Variants in LYST observed in about 807,000 individuals in gnomAD.
LYST encodes the protein lysosomal-trafficking regulator.
A neutral mutation model predicts 413.6 loss-of-function variants in LYST; 192 were observed. The observed-to-expected ratio is 0.46, with a 90% CI of 0.41 to 0.52. LYST has a LOEUF of 0.52. LYST is among the 20% of genes least tolerant of loss of function. The pLI, the probability that LYST is intolerant of heterozygous loss-of-function variation, is 0.00. For missense variants in LYST, 3,815 were observed against 4,499.9 expected, an observed-to-expected ratio of 0.85 and a Z score of 4.35; for synonymous variants, 1,525 against 1,567.3, an observed-to-expected ratio of 0.97 and a Z score of 0.64.
intron 47 of LYST, among the ~76,000 whole-genome samples, chr1:235,688,936 G>C (rs13376446): frequency 0.024 from 3,659 of 151,042 alleles, 142 homozygotes; most frequent in African/African-American, 0.084. Context: ...AGTGAGCCGA[G>C]ATCGCACCAC....
At chr1:235,805,682 G>T in intron 6 of LYST, 61 bp downstream of exon 6, 1 of 852,794 alleles carries the variant, frequency 1.2e-6, no homozygotes, top group Non-Finnish European at 1.9e-6. Context: ...ATATATATAT[G>T]TGTGTGTGTA....
intron 50 of LYST, 42 bp downstream of exon 50, chr1:235,677,049 G>A: frequency 6.9e-7 from 1 of 1,441,994 alleles, no homozygotes; most frequent in South Asian, 1.1e-5. Context: ...TGCGCTGTTA[G>A]AGCACCAGCC....
chr1:235,786,329 C>T (rs1670408138), intron 14 of LYST, among the ~76,000 whole-genome samples: 1 of 152,104 alleles, frequency 6.6e-6, no homozygotes, highest in Non-Finnish European at 1.5e-5. Flanking sequence ...CAGAGAAATG[C>T]AAATCAAAAC....
At chr1:235,792,883 C>T (rs183923178) in intron 11 of LYST, among the ~76,000 whole-genome samples, 13 of 149,696 alleles carry the variant, frequency 8.7e-5, no homozygotes, top group Admixed American at 2.0e-4. Context: ...AGGCTGGTCT[C>T]GAACACCTGA....
At chr1:235,815,278 C>G (rs1205759456) in intron 3 of LYST, among the ~76,000 whole-genome samples, 1 of 152,092 alleles carries the variant, frequency 6.6e-6, no homozygotes, top group African/African-American at 2.4e-5. Context: ...CTCATGAAGC[C>G]TACTTCCTAG....
At chr1:235,724,817 C>T (rs142237669) in intron 38 of LYST, among the ~76,000 whole-genome samples, 2 of 152,222 alleles carry the variant, frequency 1.3e-5, no homozygotes, top group Admixed American at 1.3e-4. Flanking sequence ...AGCAAATATC[C>T]TTTTAAATAC....
chr1:235,781,744 A>G (rs1169307744), intron 15 of LYST, among the ~76,000 whole-genome samples, 183 bp downstream of exon 15: 1 of 152,222 alleles, frequency 6.6e-6, no homozygotes, highest in Admixed American at 6.5e-5. Context: ...TATATCTTAG[A>G]ATCTTGGAAA....
At chr1:235,680,470 C>G (rs932279883) in intron 48 of LYST, among the ~76,000 whole-genome samples, 11 of 152,056 alleles carry the variant, frequency 7.2e-5, no homozygotes, top group Non-Finnish European at 1.5e-4. Context: ...CTATGCTGCC[C>G]AAGCTGGTCT....
chr1:235,817,702 G>A (rs1408675946), intron 3 of LYST, among the ~76,000 whole-genome samples: 1 of 152,114 alleles, frequency 6.6e-6, no homozygotes, highest in Non-Finnish European at 1.5e-5. Flanking sequence ...CAGCCACTGG[G>A]GCCTCTTTCA....
chr1:235,804,470 C>T, intron 7 of LYST, 34 bp downstream of exon 7: 1 of 1,577,172 alleles, frequency 6.3e-7, no homozygotes, highest in Non-Finnish European at 8.7e-7. Context: ...GCTGGTCATA[C>T]CCAAAGAACA....
At chr1:235,802,241 A>C (rs1156318730) in intron 8 of LYST, among the ~76,000 whole-genome samples, 1 of 149,788 alleles carries the variant, frequency 6.7e-6, no homozygotes, top group African/African-American at 2.5e-5. Context: ...TGGGACACTC[A>C]CAAGGTCAGC....
At chr1:235,765,994 C>CA (rs1668107011) in intron 21 of LYST, 85 bp downstream of exon 21, 1 of 1,057,284 alleles carries the variant, frequency 9.5e-7, no homozygotes, top group Non-Finnish European at 1.5e-6. Context: ...AGAGGCCATT[C>CA]AAATGTCAAA....
Position 235,810,336 on chromosome 1 carries a change from G to A in LYST, c.482C>T (p.Thr161Ile). The change falls in exon 5 of 53, where the codon ACA (threonine) becomes ATA (isoleucine). Residue 161 changes from threonine (T) to isoleucine (I), a missense_variant. This residue lies in a region of LYST where 1,648 missense variants were observed against 1,810.3 expected (regional missense o/e 0.91). Transcript: ENST00000389793. Reference protein sequence around the residue: ...HRYSVRDARKTQLSTSDSEAN... With the variant: ...HRYSVRDARKIQLSTSDSEAN... Reference sequence around the variant, plus strand: ...TTCTGAATCTGAGGTGGAGAGCTGTGTCTTTCTTGCATCTCTTACAGAATA... The same window carrying A: ...TTCTGAATCTGAGGTGGAGAGCTGTATCTTTCTTGCATCTCTTACAGAATA... The A allele has an allele frequency of 6.2e-7, 1 of 1,614,078 alleles. No homozygotes were observed. Among genetic ancestry groups the A allele is most frequent in the Non-Finnish European group, 8.5e-7 (1 of 1,179,940 alleles).
rs113187379 is a variant in LYST, at chr1:235,792,417, C to T, written c.4117-292G>A. 0.04 allele frequency among the ~76,000 whole-genome samples: 6,048 copies of T among 151,744 alleles called. 410 individuals carry two copies. Among genetic ancestry groups the T allele is most frequent in the African/African-American group, 0.14 (5,726 of 41,342 alleles). On this transcript the variant is annotated intron_variant, in intron 11 of 52. Coordinates refer to ENST00000389793, the MANE Select transcript of LYST (RefSeq NM_000081.4). ...GCAACCTCCGCCTCCCAGGTTCAGG[C>T]GATTCTCCTGCCTCAGCCTCTGGAG... is the stretch of plus-strand genomic sequence containing the variant.
At chr1:235,802,600 A>G (rs1227494310) in intron 8 of LYST, among the ~76,000 whole-genome samples, 2 of 152,188 alleles carry the variant, frequency 1.3e-5, no homozygotes, top group Non-Finnish European at 2.9e-5. Context: ...CACCCAGTTT[A>G]TCGATTTCTA....
intron 19 of LYST, among the ~76,000 whole-genome samples, chr1:235,773,617 T>G (rs540257254): frequency 2.6e-4 from 39 of 152,296 alleles, no homozygotes; most frequent in African/African-American, 7.5e-4. Flanking sequence ...GAATGGTGGT[T>G]TCCAGGGGCT....
In LYST at chr1:235,733,543, TG is replaced by T. The variant is rs1411819028; in HGVS notation, c.8760del (p.Ser2920ArgfsTer11). Reference sequence around the variant, plus strand: ...TGCTGAATAAGTTCCTGCCAATGTCTGCTGGCACTCAAATCTACTTTATACA... The same window carrying T: ...TGCTGAATAAGTTCCTGCCAATGTCTCTGGCACTCAAATCTACTTTATACA... ...RGMYKVDLSA[S>X]RHWQELIQQL... On this transcript the variant is annotated frameshift_variant, in exon 34 of 53. Transcript: ENST00000389793. LOFTEE classifies it high-confidence loss of function. The T allele has an allele frequency of 6.2e-7, 1 of 1,613,904 alleles. No homozygotes were observed. Among genetic ancestry groups the T allele is most frequent in the African/African-American group, 1.3e-5 (1 of 74,944 alleles).
rs1452439148 is a variant in LYST, at chr1:235,755,498, T to C, written c.7209A>G (p.Arg2403=). 2 of 1,613,826 alleles carry C rather than the reference T, an allele frequency of 1.2e-6. No homozygotes were observed. The highest frequency in any genetic ancestry group is 2.7e-5 in the African/African-American group (2 of 75,026). Reference sequence around the variant, plus strand: ...CTTACTCTTCATCAAGGCCAATATGTCGACCAAAGAACATTTCGATGAAGC... The same window carrying C: ...CTTACTCTTCATCAAGGCCAATATGCCGACCAAAGAACATTTCGATGAAGC... ...LECFIEMFFG[R]HIGLDEEFDL... Residue 2403 remains arginine, a synonymous_variant, in exon 25 of 53, where the codon CGA becomes CGG. Coordinates refer to ENST00000389793, the MANE Select transcript of LYST (RefSeq NM_000081.4).
Position 235,701,465 on chromosome 1 carries a change from T to C in LYST, c.10374+1282A>G, listed in dbSNP as rs960858141. ...CAATATGGTGAAACCCCGTCTCTAT[T>C]AAAAATACAAAAATTAGCTGGGTGT... On this transcript the variant is annotated intron_variant, in intron 45 of 52. Coordinates refer to ENST00000389793, the MANE Select transcript of LYST (RefSeq NM_000081.4). 3.9e-5 allele frequency among the ~76,000 whole-genome samples: 6 copies of C among 152,122 alleles called. No homozygotes were observed. In the East Asian group the frequency reaches 9.7e-4, roughly 24 times the overall value.
Sources: gnomAD v4.1 joint callset for allele counts (sites outside exome capture counted in the v4.1 genomes callset) on GRCh38, gnomAD v4.1.1 for gene constraint, gnomAD v4.1.1 regional missense constraint, MANE v1.5 for transcripts, NCBI Gene and HGNC (gene_info 2026-07-23, HGNC 2026-07-21) for gene names.